ENPEP: variants seen among roughly 807,000 people sequenced by gnomAD.
The protein encoded by ENPEP is AP-A.
ENPEP carries 103 observed loss-of-function variants against 114.5 expected under a neutral mutation model. That is an observed-to-expected ratio of 0.90 (90% CI 0.77 to 1.06). ENPEP has a LOEUF of 1.06. Ranked by LOEUF, ENPEP falls within the 50% of genes least tolerant of loss-of-function variation. The pLI, the probability that ENPEP is intolerant of heterozygous loss-of-function variation, is 0.00. For missense variants in ENPEP, 1,196 were observed against 1,161.3 expected (o/e 1.03, Z -0.43); for synonymous variants, 420 against 422.0 (o/e 1.00, Z 0.06).
At chr4:110,511,834 G>T (rs1462318414) in intron 6 of ENPEP, among the ~76,000 whole-genome samples, 1 of 151,736 alleles carries the variant, frequency 6.6e-6, no homozygotes, top group Non-Finnish European at 1.5e-5. Flanking sequence ...AGCAATCTCG[G>T]GTCACTGCAT....
At chr4:110,528,707 A>G (rs1047284568) in intron 10 of ENPEP, among the ~76,000 whole-genome samples, 4 of 152,020 alleles carry the variant, frequency 2.6e-5, no homozygotes, top group Non-Finnish European at 4.4e-5. Context: ...TTGATAGTCC[A>G]CTCCATGTAA....
At position 110,536,210 on chromosome 4, in the gene ENPEP, G is replaced by A. The variant is rs536176106; in HGVS notation, c.1807+4933G>A. ...TGTGATAGTGTGATATATTGCATTA[G>A]CCAGGTGAGTCTAATTATTGCACTT... On this transcript the variant is annotated intron_variant, in intron 11 of 19. Coordinates refer to ENST00000265162, the MANE Select transcript of ENPEP (RefSeq NM_001977.4). 5.9e-5 allele frequency among the ~76,000 whole-genome samples: 9 copies of A among 151,482 alleles called. No homozygotes were observed. In the South Asian group the frequency reaches 1.9e-3, roughly 32 times the overall value.
intron 1 of ENPEP, among the ~76,000 whole-genome samples, chr4:110,487,412 G>A (rs1419094426): frequency 6.6e-6 from 1 of 152,184 alleles, no homozygotes; most frequent in Non-Finnish European, 1.5e-5. Context: ...AGTCAGTTAG[G>A]TCTGACTTTT....
intron 18 of ENPEP, among the ~76,000 whole-genome samples, chr4:110,556,650 G>T (rs913154149): frequency 3.3e-5 from 5 of 152,040 alleles, no homozygotes; most frequent in African/African-American, 1.2e-4. Flanking sequence ...TAGAAGTAAT[G>T]CTACTGGGTG....
intron 3 of ENPEP, 71 bp downstream of exon 3, chr4:110,491,235 GTTTTTT>G: frequency 9.6e-7 from 1 of 1,039,882 alleles, no homozygotes; most frequent in African/African-American, 1.9e-5. Context: ...TTTTTGGGTA[GTTTTTT>G]TTTTTTTTTT....
chr4:110,552,476 C>T lies in ENPEP; in HGVS notation c.2502-839C>T, dbSNP rs574040382. Among the ~76,000 whole-genome samples the T allele has an allele frequency of 2.6e-5, 4 of 152,140 alleles. No individual in the cohort carries two copies. The East Asian group carries it at 5.8e-4, about 22-fold the overall frequency. On this transcript the variant is annotated intron_variant, in intron 17 of 19. Coordinates refer to ENST00000265162, the MANE Select transcript of ENPEP (RefSeq NM_001977.4). ...TCACAACTCAAGTTGAACAGTGATC[C>T]CTTTGTTGTAGTTATTATCTCAATA...
At chr4:110,524,500 A>G (rs187754158) in intron 10 of ENPEP, among the ~76,000 whole-genome samples, 7 of 152,334 alleles carry the variant, frequency 4.6e-5, no homozygotes, top group Admixed American at 3.9e-4. Context: ...TTCATTTACA[A>G]TTTCAAAATA....
intron 3 of ENPEP, among the ~76,000 whole-genome samples, chr4:110,497,702 A>T (rs1336561405): frequency 1.3e-5 from 2 of 152,208 alleles, no homozygotes; most frequent in Non-Finnish European, 2.9e-5. Flanking sequence ...GCATAGCTAC[A>T]GCGGAAAAAA....
At chr4:110,529,256 G>A (rs1172915057) in intron 10 of ENPEP, among the ~76,000 whole-genome samples, 1 of 152,188 alleles carries the variant, frequency 6.6e-6, no homozygotes, top group African/African-American at 2.4e-5. Context: ...AGCATAAAAT[G>A]TGAGTTTACA....
intron 8 of ENPEP, 143 bp from the exon 9 acceptor site, chr4:110,519,865 C>A (rs1578405358): frequency 1.6e-6 from 1 of 617,490 alleles, no homozygotes; most frequent in South Asian, 2.2e-5. Context: ...AATGCAACAG[C>A]CGTGCTCATT....
rs1725661332 is a variant in ENPEP, at chr4:110,513,632, G to T, written c.1443+83G>T. 5 of 1,536,946 alleles carry T rather than the reference G, an allele frequency of 3.3e-6. No individual in the cohort carries two copies. The South Asian group carries it at 3.6e-5, about 11-fold the overall frequency. On this transcript the variant is annotated intron_variant, in intron 7 of 19. Transcript: ENST00000265162. ...TGGATACCTAAAAATGGTAAGAATG[G>T]TCACACTGTGCCAGTGAGCTTTGGA... is the stretch of plus-strand genomic sequence containing the variant.
chr4:110,549,795 C>A lies in ENPEP; in HGVS notation c.2410C>A (p.Leu804Ile), dbSNP rs756783465. ...CAATGAGATTTCATGGAACTACACT[C>A]TTGAGCAATACCAGAAAACTTCATT... ...SGNEISWNYT[L>I]EQYQKTSLAQ... is the part of the protein sequence containing the mutation. The change falls in exon 17 of 20, where the codon CTT (leucine) becomes ATT (isoleucine). Residue 804 changes from leucine to isoleucine, a missense_variant. Leu to Ile is a conservative substitution (Grantham distance 5). Transcript: ENST00000265162. 3.1e-6 allele frequency: 5 copies of A among 1,613,298 alleles called. No individual in the cohort carries two copies. In the East Asian group the frequency reaches 8.9e-5, roughly 29 times the overall value.
At chr4:110,540,826 A>G (rs1195466292) in intron 11 of ENPEP, among the ~76,000 whole-genome samples, 1 of 152,164 alleles carries the variant, frequency 6.6e-6, no homozygotes, top group Non-Finnish European at 1.5e-5. Context: ...TAACTATGTG[A>G]CCAACACTTT....
intron 1 of ENPEP, among the ~76,000 whole-genome samples, chr4:110,478,818 C>A (rs1389665920): frequency 6.6e-6 from 1 of 152,184 alleles, no homozygotes; most frequent in Non-Finnish European, 1.5e-5. Context: ...TATTGTTGAG[C>A]ATTTGAGTTG....
At position 110,488,678 on chromosome 4, in the gene ENPEP, T is replaced by G. The variant is rs770799935; in HGVS notation, c.782T>G (p.Val261Gly). The part of the protein sequence containing the change: ...KEYGALSNMP[V>G]AKEESVDDKW... Reference sequence around the variant, plus strand: ...TACGGAGCACTTTCAAATATGCCAGTGGCGGTAAGTATTTTTTAAATGTTT... The same window carrying G: ...TACGGAGCACTTTCAAATATGCCAGGGGCGGTAAGTATTTTTTAAATGTTT... Residue 261 changes from valine (V) to glycine (G), a missense_variant, in exon 2 of 20, where the codon GTG becomes GGG. Val to Gly is a moderately radical substitution (Grantham distance 109). Transcript: ENST00000265162. The G allele has an allele frequency of 4.4e-6, 7 of 1,608,542 alleles. No homozygotes were observed. The highest frequency in any genetic ancestry group is 8.5e-7 in the Non-Finnish European group (1 of 1,178,562).
At chr4:110,486,188 A>G (rs1724493872) in intron 1 of ENPEP, among the ~76,000 whole-genome samples, 1 of 152,240 alleles carries the variant, frequency 6.6e-6, no homozygotes, top group Non-Finnish European at 1.5e-5. Context: ...AAATCAGAGT[A>G]AGGACTCAGA....
intron 11 of ENPEP, chr4:110,533,248 G>T: frequency 3.8e-6 from 1 of 265,572 alleles, no homozygotes; most frequent in South Asian, 3.9e-5. Flanking sequence ...TTACTCAAGT[G>T]CTTTGTAAAA....
At position 110,542,990 on chromosome 4, in the gene ENPEP, T is replaced by TA. The variant is rs1420622447; in HGVS notation, c.1945-24dup. On this transcript the variant is annotated intron_variant, in intron 12 of 19. Transcript: ENST00000265162. ...TGCTTTGCCTTAAGAATTGTGTTTT[T>TA]ATCTCTCTTTCTCCCTCTTCCCAGA... 4 of 1,612,536 alleles carry TA rather than the reference T, an allele frequency of 2.5e-6. No homozygotes were observed. The Admixed American group carries it at 5.0e-5, about 20-fold the overall frequency.
In ENPEP at chr4:110,564,805, G is replaced by A. The variant is rs1467066204; in HGVS notation, c.*3247G>A. ...ATGTATGTCAATTTTAGGCAGAAAC[G>A]TCCAGAGCCAGCACTTGGTTTGCCA... On this transcript the variant is annotated 3_prime_UTR_variant, in exon 20 of 20. Coordinates refer to ENST00000265162, the MANE Select transcript of ENPEP (RefSeq NM_001977.4). 3 of 152,118 alleles carry A rather than the reference G, an allele frequency of 2.0e-5. No individual in the cohort carries two copies. Among genetic ancestry groups the A allele is most frequent in the East Asian group, 1.9e-4 (1 of 5,190 alleles). The allele number at this position is 152,118 out of a possible 1,614,324, so 9.4% of individuals were successfully genotyped here.
Sources: gnomAD v4.1 joint callset for allele counts (sites outside exome capture counted in the v4.1 genomes callset) on GRCh38, gnomAD v4.1.1 for gene constraint, MANE v1.5 for transcripts, NCBI Gene and HGNC (gene_info 2026-07-23, HGNC 2026-07-21) for gene names.